MTCL2: variants seen among roughly 807,000 people sequenced by gnomAD.
MTCL2 encodes the protein microtubule crosslinking factor 2.
chr20:36,856,869 C>T, the MTCL2 span, among the ~76,000 whole-genome samples: 3 of 151,918 alleles, frequency 2.0e-5, no homozygotes, highest in Admixed American at 6.6e-5. Flanking sequence ...CGTGCGCGCA[C>T]GTGTGTGCGT....
chr20:36,815,023 C>G, the MTCL2 span: 1 of 1,159,004 alleles, frequency 8.6e-7, no homozygotes, highest in Non-Finnish European at 1.2e-6. This position sits in a 1 kb window ranked among gnomAD's most constrained non-coding sequence, Gnocchi z 5.3. Flanking sequence ...GATTGCACCA[C>G]TGCACTTCAG....
At chr20:36,851,451 T>C in the MTCL2 span, among the ~76,000 whole-genome samples, 5 of 152,192 alleles carry the variant, frequency 3.3e-5, no homozygotes, top group African/African-American at 4.8e-5. Flanking sequence ...CGACGCCTCC[T>C]CTCACTGGCA....
At chr20:36,825,684 C>T in the MTCL2 span, among the ~76,000 whole-genome samples, 4 of 152,282 alleles carry the variant, frequency 2.6e-5, no homozygotes, top group African/African-American at 7.2e-5. Context: ...AGGATGGCAA[C>T]GGCAGATCTT....
At chr20:36,801,631 T>C in the MTCL2 span, among the ~76,000 whole-genome samples, 5 of 151,722 alleles carry the variant, frequency 3.3e-5, no homozygotes, top group Non-Finnish European at 7.4e-5. Context: ...TTGTAATATG[T>C]GAACATTATA....
At chr20:36,808,632 C>A in the MTCL2 span, 1 of 1,612,534 alleles carries the variant, frequency 6.2e-7, no homozygotes, top group South Asian at 1.1e-5. Context: ...GACTCCTGCA[C>A]CAGCATGTTC....
At chr20:36,798,798 A>G in the MTCL2 span, among the ~76,000 whole-genome samples, 1 of 152,290 alleles carries the variant, frequency 6.6e-6, no homozygotes, top group East Asian at 1.9e-4. Flanking sequence ...TCACTTGCAC[A>G]CAGGGTAACC....
At chr20:36,783,885 A>C in the MTCL2 span, 1 of 985,462 alleles carries the variant, frequency 1.0e-6, no homozygotes, top group African/African-American at 1.7e-5. Context: ...CAATATTTAC[A>C]TGTAACATTT....
At chr20:36,797,654 G>T in the MTCL2 span, 1 of 1,319,158 alleles carries the variant, frequency 7.6e-7, no homozygotes, top group Non-Finnish European at 1.1e-6. Context: ...CCATTCCCCA[G>T]ACTCCACTCT....
At chr20:36,823,330 G>T in the MTCL2 span, among the ~76,000 whole-genome samples, 1 of 152,162 alleles carries the variant, frequency 6.6e-6, no homozygotes, top group Non-Finnish European at 1.5e-5. Flanking sequence ...AGAGCTCCTT[G>T]CCAGAGGAAG....
At chr20:36,784,039 T>C in the MTCL2 span, 1 of 985,560 alleles carries the variant, frequency 1.0e-6, no homozygotes, top group Admixed American at 6.1e-5. Context: ...AGGACAATCC[T>C]GGACGGTACG....
At chr20:36,810,500 C>T in the MTCL2 span, among the ~76,000 whole-genome samples, 4 of 152,046 alleles carry the variant, frequency 2.6e-5, no homozygotes, top group Non-Finnish European at 5.9e-5. Flanking sequence ...TGTAACAATC[C>T]ATTCAGTGGT....
chr20:36,858,463 AACAC>A, the MTCL2 span, among the ~76,000 whole-genome samples: 349 of 25,122 alleles, frequency 0.014, 23 homozygotes, highest in African/African-American at 0.02. Flanking sequence ...AAGGAGGGAA[AACAC>A]ACACACACAC....
the MTCL2 span, chr20:36,815,824 G>A: frequency 1.2e-5 from 19 of 1,595,990 alleles, no homozygotes; most frequent in Non-Finnish European, 1.5e-5. This position sits in a 1 kb window ranked among gnomAD's most constrained non-coding sequence, Gnocchi z 5.3. Context: ...TCGTTCAGCA[G>A]CAGCTTGTTC....
chr20:36,787,505 G>A, the MTCL2 span, among the ~76,000 whole-genome samples: 1 of 152,112 alleles, frequency 6.6e-6, no homozygotes, highest in Non-Finnish European at 1.5e-5. Flanking sequence ...TTGCAGGTGT[G>A]AGCCACTGTG....
At chr20:36,853,557 A>C in the MTCL2 span, among the ~76,000 whole-genome samples, 4 of 152,166 alleles carry the variant, frequency 2.6e-5, no homozygotes, top group Non-Finnish European at 5.9e-5. Context: ...AGAGGCAGGC[A>C]CTATTATTAT....
the MTCL2 span, chr20:36,828,988 G>C: frequency 6.9e-7 from 1 of 1,456,794 alleles, no homozygotes; most frequent in Non-Finnish European, 9.1e-7. Flanking sequence ...AGAGACACTG[G>C]CTTGGGGGGG....
the MTCL2 span, among the ~76,000 whole-genome samples, chr20:36,787,968 T>G: frequency 7.1e-6 from 1 of 141,700 alleles, no homozygotes; most frequent in African/African-American, 2.7e-5. Context: ...TGGGAGGCTA[T>G]GGCAGGTGGA....
the MTCL2 span, among the ~76,000 whole-genome samples, chr20:36,847,601 G>A: frequency 1.1e-4 from 17 of 152,124 alleles, no homozygotes; most frequent in African/African-American, 3.6e-4. Flanking sequence ...GCCTGTAATC[G>A]CAACACTTTG....
chr20:36,813,082 T>C, the MTCL2 span, among the ~76,000 whole-genome samples: 1 of 151,984 alleles, frequency 6.6e-6, no homozygotes, highest in Non-Finnish European at 1.5e-5. Context: ...TGCGAAGTGA[T>C]TTTCTGAATG....
Sources: gnomAD v4.1 joint callset for allele counts (sites outside exome capture counted in the v4.1 genomes callset) on GRCh38, gnomAD v4.1.1 for gene constraint, Gnocchi (gnomAD v3.1) non-coding constraint, MANE v1.5 for transcripts, NCBI Gene and HGNC (gene_info 2026-07-23, HGNC 2026-07-21) for gene names.